EDNRB: variants seen among roughly 807,000 people sequenced by gnomAD.
The protein encoded by EDNRB is endothelin receptor type B.
EDNRB carries 18 observed loss-of-function variants against 46.4 expected under a neutral mutation model. That is an observed-to-expected ratio of 0.39 (90% CI 0.27 to 0.57). The LOEUF (loss-of-function observed/expected upper bound fraction) is 0.57. EDNRB is among the 20% of genes least tolerant of loss of function. The pLI, the probability that EDNRB is intolerant of heterozygous loss-of-function variation, is 0.61. For synonymous variants in EDNRB, 213 were observed against 204.9 expected (o/e 1.04, Z -0.34); for missense variants, 434 against 537.5 (o/e 0.81, Z 1.90).
chr13:77,914,204 A>G (rs1285405916), intron 1 of EDNRB, among the ~76,000 whole-genome samples: 1 of 152,226 alleles, frequency 6.6e-6, no homozygotes, highest in Non-Finnish European at 1.5e-5. Flanking sequence ...ATGTAGTCAC[A>G]CATGTGTGCA....
At chr13:77,910,742 C>G (rs1371377801) in intron 1 of EDNRB, among the ~76,000 whole-genome samples, 1 of 151,910 alleles carries the variant, frequency 6.6e-6, no homozygotes, top group Non-Finnish European at 1.5e-5. Context: ...AGTACAGTGC[C>G]CCCTAGAGTT....
upstream of EDNRB, chr13:77,919,730 G>A (rs1436492374): frequency 5.0e-6 from 5 of 991,974 alleles, no homozygotes; most frequent in Admixed American, 9.9e-5. Context: ...GAGGGAGGGG[G>A]GCAGTCCTCG....
intron 1 of EDNRB, among the ~76,000 whole-genome samples, chr13:77,948,238 A>T (rs1029962644): frequency 7.9e-5 from 12 of 151,628 alleles, no homozygotes; most frequent in Non-Finnish European, 1.6e-4. Flanking sequence ...TCAAATAGGA[A>T]TTTTTTTTTC....
chr13:77,897,293 G>A lies in EDNRB; in HGVS notation c.*907C>T. On this transcript the variant is annotated 3_prime_UTR_variant, in exon 7 of 7. Coordinates refer to ENST00000646607, the MANE Select transcript of EDNRB (RefSeq NM_001122659.3). ...GATGACAAAACCAAACAGAGTTTAA[G>A]CTACGATAGTGAAAGAAGAAGATTT... 2 of 985,216 alleles carry A rather than the reference G, an allele frequency of 2.0e-6. No individual in the cohort carries two copies. The highest frequency in any genetic ancestry group is 1.2e-6 in the Non-Finnish European group (1 of 829,854). 61.0% of individuals were successfully genotyped at this position (985,216 alleles called of 1,614,324 possible). A position where few individuals can be genotyped will look rare whatever the true frequency, so the allele number is the denominator to read the frequency against.
In EDNRB at chr13:77,896,765, C is replaced by G; in HGVS notation, c.*1435G>C. The G allele has an allele frequency of 7.5e-7, 1 of 1,339,922 alleles. No homozygotes were observed. The highest frequency in any genetic ancestry group is 9.5e-7 in the Non-Finnish European group (1 of 1,047,862). The allele number at this position is 1,339,922 out of a possible 1,614,324, so 83.0% of individuals were successfully genotyped here. ...CTGTCCCCATGGGTTTCCTCCAACC[C>G]CACCTCATTTCCTCTCTCTTCCGTT... On this transcript the variant is annotated 3_prime_UTR_variant, in exon 7 of 7. Transcript: ENST00000646607.
At chr13:77,899,024 A>T (rs1168489293) in intron 6 of EDNRB, among the ~76,000 whole-genome samples, 1 of 151,900 alleles carries the variant, frequency 6.6e-6, no homozygotes, top group Admixed American at 6.6e-5. Context: ...AAATATAAAA[A>T]TTTTTTCATT....
intron 1 of EDNRB, among the ~76,000 whole-genome samples, chr13:77,935,805 A>G (rs1192373380): frequency 6.6e-6 from 1 of 152,224 alleles, no homozygotes; most frequent in African/African-American, 2.4e-5. Flanking sequence ...TAAAGAAAGC[A>G]TGTTAGAGAT....
At chr13:77,949,625 G>A (rs375966363) in intron 1 of EDNRB, among the ~76,000 whole-genome samples, 6 of 152,058 alleles carry the variant, frequency 3.9e-5, no homozygotes, top group East Asian at 3.9e-4. Flanking sequence ...ATCTAAGTCC[G>A]CTTGGGGATG....
intron 1 of EDNRB, among the ~76,000 whole-genome samples, chr13:77,964,499 A>G (rs150747877): frequency 0.014 from 2,177 of 152,292 alleles, 46 homozygotes; most frequent in East Asian, 0.024. Context: ...GAAGCTGGAA[A>G]CCATCATACT....
intron 5 of EDNRB, among the ~76,000 whole-genome samples, chr13:77,900,216 A>G (rs948604519): frequency 2.6e-5 from 4 of 151,838 alleles, no homozygotes; most frequent in African/African-American, 9.7e-5. Context: ...ATAAAATCTC[A>G]TTTGGAAGTA....
chr13:77,964,558 C>T (rs970254916), intron 1 of EDNRB, among the ~76,000 whole-genome samples: 1 of 152,148 alleles, frequency 6.6e-6, no homozygotes, highest in Non-Finnish European at 1.5e-5. Context: ...TGTTCTCACT[C>T]ATAGGTGGGA....
In EDNRB at chr13:77,903,396, A is replaced by G. The variant is rs375521054; in HGVS notation, c.597-36T>C. The G allele has an allele frequency of 2.0e-5, 33 of 1,612,110 alleles. No individual in the cohort carries two copies. In the African/African-American group the frequency reaches 3.5e-4, roughly 17 times the overall value. ...AAATAGAATTGTATTTTAAGCTGGC[A>G]TACCTTAGTTTTATTGAATTGCACA... On this transcript the variant is annotated intron_variant, in intron 2 of 6. Transcript: ENST00000646607.
intron 1 of EDNRB, among the ~76,000 whole-genome samples, chr13:77,958,597 A>G (rs1881308234): frequency 6.6e-6 from 1 of 152,010 alleles, no homozygotes; most frequent in African/African-American, 2.4e-5. Context: ...GATGGTCTCG[A>G]TCTCCTGACC....
At chr13:77,931,769 A>AAAAAAAAAAAAAAAAAC (rs1880415644) in intron 1 of EDNRB, among the ~76,000 whole-genome samples, 1 of 142,622 alleles carries the variant, frequency 7.0e-6, no homozygotes, top group Non-Finnish European at 1.5e-5. Context: ...AACAAAAAAA[A>AAAAAAAAAAAAAAAAAC]AAAAACAAAA....
intron 1 of EDNRB, among the ~76,000 whole-genome samples, chr13:77,937,475 T>A (rs72481792): frequency 1.3e-5 from 2 of 152,200 alleles, no homozygotes; most frequent in African/African-American, 4.8e-5. Flanking sequence ...AGGACAGAGT[T>A]AGATATTGGA....
intron 1 of EDNRB, among the ~76,000 whole-genome samples, chr13:77,967,058 G>A (rs1358940252): frequency 6.6e-6 from 1 of 152,130 alleles, no homozygotes; most frequent in East Asian, 1.9e-4. Context: ...AGTAACCTAA[G>A]TGGAAATCAA....
At chr13:77,966,618 C>T (rs532809388) in intron 1 of EDNRB, among the ~76,000 whole-genome samples, 11 of 152,244 alleles carry the variant, frequency 7.2e-5, no homozygotes, top group African/African-American at 1.9e-4. Context: ...TAAATAAAAA[C>T]GTGGGAGAAA....
At chr13:77,959,993 G>C (rs941640101) in intron 1 of EDNRB, among the ~76,000 whole-genome samples, 1 of 152,166 alleles carries the variant, frequency 6.6e-6, no homozygotes, top group African/African-American at 2.4e-5. Context: ...AGAGAAAAAA[G>C]AGTAAAAAGA....
intron 1 of EDNRB, among the ~76,000 whole-genome samples, chr13:77,970,753 AT>A (rs1485992237): frequency 6.9e-6 from 1 of 145,680 alleles, no homozygotes; most frequent in Non-Finnish European, 1.5e-5. Context: ...CTTATATAGA[AT>A]AAAATTATAC....
Sources: gnomAD v4.1 joint callset for allele counts (sites outside exome capture counted in the v4.1 genomes callset) on GRCh38, gnomAD v4.1.1 for gene constraint, MANE v1.5 for transcripts, NCBI Gene and HGNC (gene_info 2026-07-23, HGNC 2026-07-21) for gene names.